MN1: variants seen among roughly 807,000 people sequenced by gnomAD.
The protein encoded by MN1 is transcriptional activator MN1.
MN1 carries 19 observed loss-of-function variants against 86.9 expected under a neutral mutation model. The observed-to-expected ratio is 0.22, with a 90% CI of 0.15 to 0.32. The LOEUF (loss-of-function observed/expected upper bound fraction) is 0.32, where lower values mean the gene tolerates loss of function less well. Ranked by LOEUF, MN1 falls within the 10% of genes least tolerant of loss-of-function variation. The probability of loss-of-function intolerance (pLI) is 1.00; values close to 1 mark genes in which losing one functional copy is unlikely to be tolerated. For missense variants in MN1, 1,841 were observed against 1,862.0 expected, an observed-to-expected ratio of 0.99 and a Z score of 0.21; for synonymous variants, 928 against 849.6, an observed-to-expected ratio of 1.09 and a Z score of -1.60.
At position 27,797,583 on chromosome 22, in the gene MN1, C is replaced by A; in HGVS notation, c.2961G>T (p.Gly987=). ...CGCGCGTCTCGCCTGCGGAGCTTCC[C>A]CCGACGGCTGCGCCTGACGCTTGCT... ...GQQQASGAAV[G]GSSAGETRGA... is the part of the protein sequence containing the mutation. The change falls in exon 1 of 2, where the codon GGG becomes GGT. Residue 987 remains glycine (G), a synonymous_variant. Coordinates refer to ENST00000302326, the MANE Select transcript of MN1 (RefSeq NM_002430.3). 6.2e-7 allele frequency: 1 copy of A among 1,600,746 alleles called. No individual in the cohort carries two copies. The highest frequency in any genetic ancestry group is 1.1e-5 in the South Asian group (1 of 89,860).
chr22:27,800,708 G>T lies in MN1; in HGVS notation c.-165C>A. On this transcript the variant is annotated 5_prime_UTR_variant, in exon 1 of 2. Transcript: ENST00000302326. ...CCCCGCCTGATGTGAGGGACGGGGG[G>T]CGGGGTATTAGCTCCTCTCCTGAAG... is the stretch of plus-strand genomic sequence containing the variant. The T allele has an allele frequency of 1.3e-6, 1 of 787,374 alleles. No homozygotes were observed. 48.8% of individuals were successfully genotyped at this position (787,374 alleles called of 1,614,324 possible).
rs1232154657 is a variant in MN1 at position 27,749,481 on chromosome 22, CCCA to C, written c.*1431_*1433del. ...AACCCACCGGGGAATCTATGTGCCC[CCCA>C]CCACAAGCCATAAATGGCTTTTGCA... On this transcript the variant is annotated 3_prime_UTR_variant, in exon 2 of 2. Transcript: ENST00000302326. 6 of 232,206 alleles carry C rather than the reference CCCA, an allele frequency of 2.6e-5. No individual in the cohort carries two copies. Among genetic ancestry groups the C allele is most frequent in the East Asian group, 6.1e-5 (1 of 16,466 alleles). 14.4% of individuals were successfully genotyped at this position (232,206 alleles called of 1,614,324 possible).
chr22:27,762,998 C>T lies in MN1; in HGVS notation c.3782-11902G>A, dbSNP rs938179706. On this transcript the variant is annotated intron_variant, in intron 1 of 1. Transcript: ENST00000302326. ...TGGTGTGTGCCTATGGTCTCAGCTA[C>T]TTGGTAGGATCACTTGAAACTGGGA... Among the ~76,000 whole-genome samples, 6 of 152,176 alleles carry T rather than the reference C, an allele frequency of 3.9e-5. No individual in the cohort carries two copies. In the East Asian group the frequency reaches 1.2e-3, roughly 29 times the overall value.
At chr22:27,776,272 A>T (rs1423470705) in intron 1 of MN1, among the ~76,000 whole-genome samples, 1 of 152,176 alleles carries the variant, frequency 6.6e-6, no homozygotes, top group Non-Finnish European at 1.5e-5. Context: ...TAGAGGTCCC[A>T]GGGGGAGCTC....
rs1378821184 is a variant in MN1 at position 27,748,664 on chromosome 22, A to G, written c.*2251T>C. 1 of 213,780 alleles carries G rather than the reference A, an allele frequency of 4.7e-6. No homozygotes were observed. 13.2% of individuals were successfully genotyped at this position (213,780 alleles called of 1,614,324 possible). ...CCATTAAACCAAATTTAATGAAATA[A>G]CATCCTTTTGCTTAAGGCTATTTTT... On this transcript the variant is annotated 3_prime_UTR_variant, in exon 2 of 2. Transcript: ENST00000302326.
intron 1 of MN1, among the ~76,000 whole-genome samples, chr22:27,773,304 C>T (rs1932936319): frequency 6.6e-6 from 1 of 152,198 alleles, no homozygotes; most frequent in Non-Finnish European, 1.5e-5. Context: ...CCAATGAGTT[C>T]ATTTTACCAC....
Position 27,799,301 on chromosome 22 carries a change from C to G in MN1, c.1243G>C (p.Glu415Gln). The G allele has an allele frequency of 6.3e-7, 1 of 1,590,160 alleles. No homozygotes were observed. The change falls in exon 1 of 2, where the codon GAG (glutamate) becomes CAG (glutamine). Residue 415 changes from glutamate to glutamine, a missense_variant. Glu to Gln is a conservative substitution (Grantham distance 29). Coordinates refer to ENST00000302326, the MANE Select transcript of MN1 (RefSeq NM_002430.3). Reference protein sequence around the residue: ...AQFEYPIHRLENRSMHPYSEP... With the variant: ...AQFEYPIHRLQNRSMHPYSEP... ...GAATAAGGGTGCATGCTCCGGTTCTCCAGCCGGTGGATGGGATACTCGAAT... is the reference window on the plus strand; with the variant it reads ...GAATAAGGGTGCATGCTCCGGTTCTGCAGCCGGTGGATGGGATACTCGAAT...
intron 1 of MN1, among the ~76,000 whole-genome samples, chr22:27,770,414 C>A (rs5997301): frequency 1.3e-5 from 2 of 151,186 alleles, no homozygotes; most frequent in South Asian, 4.2e-4. Context: ...ACATAAATTT[C>A]TGGAGAGGAC....
At position 27,797,447 on chromosome 22, in the gene MN1, T is replaced by C; in HGVS notation, c.3097A>G (p.Lys1033Glu). The C allele has an allele frequency of 6.2e-7, 1 of 1,605,770 alleles. No individual in the cohort carries two copies. Among genetic ancestry groups the C allele is most frequent in the Non-Finnish European group, 8.5e-7 (1 of 1,176,262 alleles). ...DLIGSLDGGA[K>E]SDSSSPNVGE... ...ACGTTTGGCGAACTACTGTCCGACT[T>C]GGCCCCGCCGTCCAGGGACCCAATG... Residue 1033 changes from lysine to glutamate, a missense_variant, in exon 1 of 2, where the codon AAG becomes GAG. Physicochemically the swap from Lys to Glu is moderately conservative, Grantham distance 56. Transcript: ENST00000302326.
intron 1 of MN1, among the ~76,000 whole-genome samples, chr22:27,781,768 G>A (rs1025767181): frequency 6.6e-6 from 1 of 152,134 alleles, no homozygotes; most frequent in African/African-American, 2.4e-5. Flanking sequence ...GCACACGAGT[G>A]GCAGAGCCAG....
At position 27,799,160 on chromosome 22, in the gene MN1, G is replaced by A. The variant is rs760096510; in HGVS notation, c.1384C>T (p.Pro462Ser). The change falls in exon 1 of 2, where the codon CCG (proline) becomes TCG (serine). Residue 462 changes from proline to serine, a missense_variant. By Grantham distance (74) the Pro-to-Ser change is moderately conservative (BLOSUM62 -1). Transcript: ENST00000302326. ...NVAKRPRFDFPGSAGVDRCAS... is the reference protein window; with the variant it reads ...NVAKRPRFDFSGSAGVDRCAS... ...CAGCGGTCCACTCCCGCGCTGCCCG[G>A]AAAGTCGAAGCGCGGCCTCTTGGCC... is the stretch of plus-strand genomic sequence containing the variant. 6.8e-6 allele frequency: 11 copies of A among 1,606,720 alleles called. No homozygotes were observed. Among genetic ancestry groups the A allele is most frequent in the Non-Finnish European group, 9.4e-6 (11 of 1,174,932 alleles).
At chr22:27,777,754 T>C (rs1044992786) in intron 1 of MN1, among the ~76,000 whole-genome samples, 1 of 151,694 alleles carries the variant, frequency 6.6e-6, no homozygotes, top group Non-Finnish European at 1.5e-5. Flanking sequence ...CGCATGCCTG[T>C]AATGCTAGCT....
intron 1 of MN1, among the ~76,000 whole-genome samples, chr22:27,795,309 C>A (rs533181162): frequency 2.0e-5 from 3 of 151,458 alleles, no homozygotes; most frequent in Admixed American, 1.3e-4. Flanking sequence ...ACCCGGGATG[C>A]GCGCCTTGAA....
At chr22:27,763,290 G>A (rs1932846724) in intron 1 of MN1, among the ~76,000 whole-genome samples, 2 of 152,228 alleles carry the variant, frequency 1.3e-5, no homozygotes, top group Non-Finnish European at 2.9e-5. Flanking sequence ...CCATCCATGG[G>A]TCTGCCAGGA....
rs529806743 is a variant in MN1, at chr22:27,748,306, TAACTGCTCAGGAA to T, written c.*2596_*2608del. On this transcript the variant is annotated 3_prime_UTR_variant, in exon 2 of 2. Transcript: ENST00000302326. ...CATTAACGTCATATTTATTGTTATT[TAACTGCTCAGGAA>T]AACATATACAGGTATATACAATATG... 1 of 175,192 alleles carries T rather than the reference TAACTGCTCAGGAA, an allele frequency of 5.7e-6. No homozygotes were observed. The highest frequency in any genetic ancestry group is 2.0e-4 in the South Asian group (1 of 5,016). The allele number at this position is 175,192 out of a possible 1,614,324, so 10.9% of individuals were successfully genotyped here.
chr22:27,787,333 G>T (rs1933148081), intron 1 of MN1, among the ~76,000 whole-genome samples: 2 of 152,178 alleles, frequency 1.3e-5, no homozygotes, highest in African/African-American at 4.8e-5. Context: ...TGCAGGGGAT[G>T]AAAATGGCCA....
intron 1 of MN1, among the ~76,000 whole-genome samples, chr22:27,760,827 G>C (rs919357041): frequency 1.1e-4 from 17 of 152,228 alleles, no homozygotes; most frequent in Non-Finnish European, 2.4e-4. Context: ...ATCGAGAAAA[G>C]GAAAAGGGAA....
At chr22:27,773,726 A>G (rs1932941256) in intron 1 of MN1, among the ~76,000 whole-genome samples, 1 of 152,138 alleles carries the variant, frequency 6.6e-6, no homozygotes, top group Non-Finnish European at 1.5e-5. Flanking sequence ...GCACAATCTC[A>G]GCTCACTGCA....
chr22:27,762,782 T>G (rs183984194), intron 1 of MN1, among the ~76,000 whole-genome samples: 1 of 152,126 alleles, frequency 6.6e-6, no homozygotes, highest in Non-Finnish European at 1.5e-5. Flanking sequence ...ATAATGATTT[T>G]TATCTATAAT....
Sources: allele counts gnomAD v4.1 joint callset (sites outside exome capture counted in the v4.1 genomes callset), GRCh38; gene constraint gnomAD v4.1.1; transcripts MANE v1.5; gene names NCBI Gene and HGNC (gene_info 2026-07-23, HGNC 2026-07-21).